Variants in TLN2 observed in about 807,000 individuals in gnomAD.
TLN2 encodes the protein talin 2.
A neutral mutation model predicts 294.7 loss-of-function variants in TLN2; 118 were observed. The observed-to-expected ratio is 0.40, with a 90% confidence interval of 0.34 to 0.47. TLN2 has a LOEUF of 0.47. TLN2 is among the 20% of genes least tolerant of loss of function. The pLI, the probability that TLN2 is intolerant of heterozygous loss-of-function variation, is 0.84. For missense variants in TLN2, 3,083 were observed against 3,282.2 expected (o/e 0.94, Z 1.48); for synonymous variants, 1,431 against 1,304.5 (o/e 1.10, Z -2.09).
intron 52 of TLN2, among the ~76,000 whole-genome samples, chr15:62,814,943 C>A (rs2066979935): frequency 6.6e-6 from 1 of 152,234 alleles, no homozygotes; most frequent in East Asian, 1.9e-4. Context: ...GAAGGTCCAA[C>A]AAGAAATGAG....
At chr15:62,411,428 GAT>G (rs1491314401) in intron 1 of TLN2, among the ~76,000 whole-genome samples, 2 of 71,776 alleles carry the variant, frequency 2.8e-5, no homozygotes, top group African/African-American at 5.1e-5. Context: ...GTGAGTAATG[GAT>G]GTGTGTGTGT....
At chr15:62,458,113 G>A (rs1022096110) in intron 1 of TLN2, among the ~76,000 whole-genome samples, 1 of 152,130 alleles carries the variant, frequency 6.6e-6, no homozygotes, top group Non-Finnish European at 1.5e-5. Flanking sequence ...TGAGTCAACG[G>A]TAGAGCCTTT....
intron 1 of TLN2, among the ~76,000 whole-genome samples, chr15:62,420,109 T>G (rs1289160632): frequency 6.6e-6 from 1 of 152,208 alleles, no homozygotes; most frequent in Non-Finnish European, 1.5e-5. Flanking sequence ...AACTGGGAAA[T>G]TAAAAGTGCT....
intron 1 of TLN2, among the ~76,000 whole-genome samples, chr15:62,484,407 C>A (rs2038271231): frequency 6.6e-6 from 1 of 152,078 alleles, no homozygotes; most frequent in Non-Finnish European, 1.5e-5. Flanking sequence ...CAGAGATCCG[C>A]TGGTCCAAGG....
intron 1 of TLN2, among the ~76,000 whole-genome samples, chr15:62,425,651 T>G (rs2034668682): frequency 6.6e-6 from 1 of 152,204 alleles, no homozygotes; most frequent in African/African-American, 2.4e-5. Flanking sequence ...CTGTCATAAT[T>G]GTGTTCTGTT....
At chr15:62,590,836 C>G (rs2140735911) in intron 2 of TLN2, among the ~76,000 whole-genome samples, 1 of 152,246 alleles carries the variant, frequency 6.6e-6, no homozygotes, top group Middle Eastern at 3.4e-3. Flanking sequence ...AGTTCTGTTC[C>G]TGACCAGCTG....
chr15:62,518,695 T>G (rs2040306864), intron 1 of TLN2, among the ~76,000 whole-genome samples: 1 of 152,240 alleles, frequency 6.6e-6, no homozygotes, highest in East Asian at 1.9e-4. Flanking sequence ...CCTCCCAGCT[T>G]CAAGCAATTC....
intron 1 of TLN2, among the ~76,000 whole-genome samples, chr15:62,489,757 C>T (rs1026745777): frequency 1.3e-5 from 2 of 152,190 alleles, no homozygotes; most frequent in Non-Finnish European, 2.9e-5. Flanking sequence ...TGTTCTCTCA[C>T]GGATTGCTTC....
chr15:62,539,581 C>G (rs1287653807), intron 1 of TLN2, among the ~76,000 whole-genome samples: 1 of 152,134 alleles, frequency 6.6e-6, no homozygotes, highest in African/African-American at 2.4e-5. Flanking sequence ...TGCAGTTTGT[C>G]TACCAAATAC....
chr15:62,773,948 T>G (rs917455608), intron 42 of TLN2, among the ~76,000 whole-genome samples: 3 of 152,120 alleles, frequency 2.0e-5, no homozygotes, highest in Non-Finnish European at 4.4e-5. Context: ...CAGTGTAGCC[T>G]CTCCCTCACT....
At chr15:62,640,559 T>C (rs1395681235) in intron 3 of TLN2, among the ~76,000 whole-genome samples, 1 of 151,908 alleles carries the variant, frequency 6.6e-6, no homozygotes, top group Non-Finnish European at 1.5e-5. Context: ...AGCCCCAGGG[T>C]GGAAGCTGAT....
intron 2 of TLN2, among the ~76,000 whole-genome samples, chr15:62,610,958 AAT>A (rs957833804): frequency 2.8e-4 from 43 of 152,164 alleles, no homozygotes; most frequent in African/African-American, 9.9e-4. Flanking sequence ...GCTTCCTTCT[AAT>A]TTTTCCCTTT....
At chr15:62,675,727 A>T (rs2056107615) in intron 11 of TLN2, among the ~76,000 whole-genome samples, 1 of 152,184 alleles carries the variant, frequency 6.6e-6, no homozygotes, top group African/African-American at 2.4e-5. Context: ...CTTAATTTGT[A>T]TACTTTAAGA....
chr15:62,756,850 G>A (rs918859046), intron 37 of TLN2, among the ~76,000 whole-genome samples: 4 of 152,058 alleles, frequency 2.6e-5, no homozygotes, highest in Admixed American at 6.5e-5. Flanking sequence ...AGCACATGGG[G>A]CTCGCACCCC....
In TLN2 at chr15:62,781,161, G is replaced by A. The variant is rs1208636481; in HGVS notation, c.5536G>A (p.Glu1846Lys). The part of the protein sequence containing the change: ...MSKLDEGTPP[E>K]PKGTFVDYQT... ...GTAGCTGGATGAAGGCACTCCTCCA[G>A]AACCAAAGGGAACATTTGTCGACTA... The change falls in exon 44 of 59, where the codon GAA (glutamate) becomes AAA (lysine). Residue 1846 changes from glutamate to lysine, a missense_variant. Physicochemically the swap from Glu to Lys is moderately conservative, Grantham distance 56. Transcript: ENST00000636159. 24 of 1,614,142 alleles carry A rather than the reference G, an allele frequency of 1.5e-5. No homozygotes were observed. Among genetic ancestry groups the A allele is most frequent in the Non-Finnish European group, 2.0e-5 (24 of 1,180,014 alleles).
At chr15:62,539,975 G>A (rs147898360) in intron 1 of TLN2, among the ~76,000 whole-genome samples, 82 of 151,352 alleles carry the variant, frequency 5.4e-4, no homozygotes, top group Non-Finnish European at 8.8e-4. Flanking sequence ...GCAGATGCAT[G>A]TAAATACTTA....
At chr15:62,787,781 C>T (rs2064797166) in intron 45 of TLN2, among the ~76,000 whole-genome samples, 1 of 146,316 alleles carries the variant, frequency 6.8e-6, no homozygotes, top group Admixed American at 6.8e-5. Flanking sequence ...CAACCTCCGC[C>T]ACCGGGTTCA....
intron 9 of TLN2, among the ~76,000 whole-genome samples, chr15:62,673,107 T>C (rs187716833): frequency 1.1e-4 from 16 of 151,904 alleles, no homozygotes; most frequent in East Asian, 9.7e-4. Context: ...TGTCTGTGTA[T>C]AGACAGGAGG....
Position 62,792,776 on chromosome 15 carries a change from G to A in TLN2, c.5872G>A (p.Val1958Ile), listed in dbSNP as rs375769813. The A allele has an allele frequency of 1.1e-5, 17 of 1,613,840 alleles. No individual in the cohort carries two copies. The highest frequency in any genetic ancestry group is 3.3e-5 in the Admixed American group (2 of 60,000). Reference sequence around the variant, plus strand: ...GGAGCTGATCGAATGCGCCCGTGCCGTCACGGAAAAGGTAAGGAGCAGCCC... The same window carrying A: ...GGAGCTGATCGAATGCGCCCGTGCCATCACGGAAAAGGTAAGGAGCAGCCC... ...KRELIECARA[V>I]TEKVSLVLSA... Residue 1958 changes from valine to isoleucine, a missense_variant, in exon 46 of 59, where the codon GTC (valine) becomes ATC (isoleucine). Val to Ile is a conservative substitution (Grantham distance 29). Transcript: ENST00000636159.
Sources: gnomAD v4.1 joint callset for allele counts (sites outside exome capture counted in the v4.1 genomes callset) on GRCh38, gnomAD v4.1.1 for gene constraint, MANE v1.5 for transcripts, NCBI Gene and HGNC (gene_info 2026-07-23, HGNC 2026-07-21) for gene names.